The following IMMP2L variants were observed in gnomAD, a reference collection of about 807,000 sequenced individuals.
IMMP2L encodes inner mitochondrial membrane peptidase subunit 2.
Under a neutral mutation model 19.3 loss-of-function variants are expected in IMMP2L, and 18 were observed. The observed-to-expected ratio is 0.93, with a 90% confidence interval of 0.64 to 1.38. The LOEUF (loss-of-function observed/expected upper bound fraction) is 1.38, where lower values mean the gene tolerates loss of function less well. Ranked by LOEUF, IMMP2L falls within the 40% of genes most tolerant of loss-of-function variation. The pLI is 0.00. For synonymous variants in IMMP2L, 76 were observed against 73.0 expected (o/e 1.04, Z -0.21); for missense variants, 233 against 218.2 (o/e 1.07, Z -0.43).
At chr7:111,067,410 C>T (rs970519590) in intron 3 of IMMP2L, among the ~76,000 whole-genome samples, 9 of 152,248 alleles carry the variant, frequency 5.9e-5, no homozygotes, top group Admixed American at 4.6e-4. Flanking sequence ...GGGACCAATG[C>T]GGAGCCCAGA....
chr7:111,107,171 CT>C (rs1465686634), intron 3 of IMMP2L, among the ~76,000 whole-genome samples: 30 of 26,360 alleles, frequency 1.1e-3, no homozygotes, highest in African/African-American at 3.6e-3. Context: ...CTTCTTTCCC[CT>C]TTCCCTCTCT....
At chr7:110,782,688 GGCAC>G (rs1365972283) in intron 5 of IMMP2L, among the ~76,000 whole-genome samples, 4 of 151,850 alleles carry the variant, frequency 2.6e-5, no homozygotes, top group Non-Finnish European at 1.5e-5. Context: ...CTATGTGCTA[GGCAC>G]TCAGCTACAT....
chr7:111,513,581 G>A (rs1015311017), intron 2 of IMMP2L, among the ~76,000 whole-genome samples: 1 of 152,074 alleles, frequency 6.6e-6, no homozygotes, highest in South Asian at 2.1e-4. Flanking sequence ...ACTACCAGAT[G>A]ATCTACCACT....
intron 3 of IMMP2L, among the ~76,000 whole-genome samples, chr7:111,007,651 A>G (rs891314720): frequency 2.0e-5 from 3 of 152,020 alleles, no homozygotes; most frequent in Non-Finnish European, 4.4e-5. Context: ...ACTGACGTGT[A>G]CGTATGTACA....
At chr7:111,128,450 G>C (rs1253014497) in intron 3 of IMMP2L, among the ~76,000 whole-genome samples, 1 of 152,120 alleles carries the variant, frequency 6.6e-6, no homozygotes, top group Non-Finnish European at 1.5e-5. Flanking sequence ...TGATGTAAAA[G>C]CTTGCTTCAA....
At chr7:110,980,233 T>TTC (rs1821139649) in intron 3 of IMMP2L, among the ~76,000 whole-genome samples, 1 of 139,614 alleles carries the variant, frequency 7.2e-6, no homozygotes, top group African/African-American at 2.7e-5. Context: ...GCTTCTTTTT[T>TTC]TTTTTTTTTT....
chr7:110,743,386 T>A (rs1797116341), intron 5 of IMMP2L, among the ~76,000 whole-genome samples: 1 of 152,224 alleles, frequency 6.6e-6, no homozygotes, highest in Non-Finnish European at 1.5e-5. Context: ...ATTACTTAGA[T>A]AAAACTCTCA....
chr7:111,241,616 A>G (rs1043802751), intron 3 of IMMP2L, among the ~76,000 whole-genome samples: 6 of 151,916 alleles, frequency 3.9e-5, no homozygotes, highest in Non-Finnish European at 8.8e-5. Context: ...ACAAAATGCA[A>G]CTTGTTATGG....
chr7:110,819,975 T>A (rs796824784), intron 5 of IMMP2L, among the ~76,000 whole-genome samples: 4 of 152,210 alleles, frequency 2.6e-5, no homozygotes, highest in African/African-American at 9.6e-5. Flanking sequence ...ATATTTACCT[T>A]GTTTTTCATA....
intron 3 of IMMP2L, among the ~76,000 whole-genome samples, chr7:111,397,711 T>G (rs1833012633): frequency 6.6e-6 from 1 of 152,190 alleles, no homozygotes; most frequent in African/African-American, 2.4e-5. Context: ...GTTCATGACC[T>G]TTGCCTATTA....
chr7:111,185,373 C>T (rs534787012), intron 3 of IMMP2L, among the ~76,000 whole-genome samples: 1 of 152,096 alleles, frequency 6.6e-6, no homozygotes, highest in South Asian at 2.1e-4. Context: ...AACTCATAGG[C>T]CTTTTCCTTC....
chr7:111,264,809 T>A (rs955818758), intron 3 of IMMP2L, among the ~76,000 whole-genome samples: 1 of 151,584 alleles, frequency 6.6e-6, no homozygotes, highest in African/African-American at 2.4e-5. Flanking sequence ...TCAGGGTGGA[T>A]AAAGGGCTAA....
At chr7:111,500,588 G>A (rs1844114850) in intron 2 of IMMP2L, among the ~76,000 whole-genome samples, 1 of 152,104 alleles carries the variant, frequency 6.6e-6, no homozygotes, top group Non-Finnish European at 1.5e-5. Flanking sequence ...CACATGGCCG[G>A]GTACTCCTCT....
At chr7:111,544,549 A>G (rs988811156) in intron 1 of IMMP2L, among the ~76,000 whole-genome samples, 1 of 152,148 alleles carries the variant, frequency 6.6e-6, no homozygotes, top group African/African-American at 2.4e-5. Flanking sequence ...TCACAGAGAA[A>G]ATCAACAAGG....
chr7:110,796,733 C>G (rs535695389), intron 5 of IMMP2L, among the ~76,000 whole-genome samples: 5 of 152,132 alleles, frequency 3.3e-5, no homozygotes, highest in African/African-American at 1.2e-4. Flanking sequence ...ACCCACAGCT[C>G]TGCTTACCTA....
At chr7:111,130,703 T>C (rs974456830) in intron 3 of IMMP2L, among the ~76,000 whole-genome samples, 2 of 152,154 alleles carry the variant, frequency 1.3e-5, no homozygotes, top group East Asian at 1.9e-4. Context: ...AAGACAGAAA[T>C]AGTTCTTAAA....
At chr7:111,540,206 A>G (rs570839893) in intron 1 of IMMP2L, among the ~76,000 whole-genome samples, 1 of 152,198 alleles carries the variant, frequency 6.6e-6, no homozygotes, top group South Asian at 2.1e-4. Context: ...CAATCTAGAA[A>G]CAACAGGGGC....
chr7:110,958,297 T>C (rs569862406), intron 4 of IMMP2L, among the ~76,000 whole-genome samples: 44 of 152,044 alleles, frequency 2.9e-4, no homozygotes, highest in Middle Eastern at 3.4e-3. Context: ...ATAACAACAA[T>C]AACAAACTTG....
chr7:111,187,237 G>C (rs1027004997), intron 3 of IMMP2L, among the ~76,000 whole-genome samples: 16 of 152,086 alleles, frequency 1.1e-4, no homozygotes, highest in Non-Finnish European at 2.2e-4. Flanking sequence ...TTCTGGCCAA[G>C]CAGGTCTTAA....
Sources: allele counts gnomAD v4.1 joint callset (sites outside exome capture counted in the v4.1 genomes callset), GRCh38; gene constraint gnomAD v4.1.1; transcripts MANE v1.5; gene names NCBI Gene and HGNC (gene_info 2026-07-23, HGNC 2026-07-21).